Variants in RARS1 observed in about 807,000 individuals in gnomAD.
RARS1 encodes the protein arginine--tRNA ligase, cytoplasmic.
In RARS1, 75 loss-of-function variants were observed where a neutral mutation model predicts 78.7. The ratio of observed to expected loss-of-function variants is 0.95; its 90% CI spans 0.79 to 1.15. The LOEUF is 1.15. Among genes scored for constraint, RARS1 ranks in the 50% most tolerant of loss-of-function variants. The pLI is 0.00. For synonymous variants in RARS1, 273 were observed against 268.2 expected (o/e 1.02, Z -0.18); for missense variants, 787 against 787.5 (o/e 1.00, Z 0.01).
At chr5:168,501,685 T>C (rs929177228) in intron 8 of RARS1, among the ~76,000 whole-genome samples, 2 of 152,142 alleles carry the variant, frequency 1.3e-5, no homozygotes, top group Admixed American at 6.5e-5. Context: ...ATCACGCCAC[T>C]GTACTCCAGC....
At chr5:168,502,918 T>A (rs1698110246) in intron 9 of RARS1, among the ~76,000 whole-genome samples, 1 of 152,210 alleles carries the variant, frequency 6.6e-6, no homozygotes, top group Admixed American at 6.5e-5. Flanking sequence ...GTTCTATAAA[T>A]CTGAGGTTTC....
chr5:168,489,837 G>A (rs1227976307), intron 2 of RARS1, among the ~76,000 whole-genome samples: 3 of 137,378 alleles, frequency 2.2e-5, no homozygotes, highest in African/African-American at 8.2e-5. Flanking sequence ...TTTTTGAGAC[G>A]GAGTCTCACT....
Position 168,486,539 on chromosome 5 carries a change from A to C in RARS1, c.41A>C (p.Gln14Pro), listed in dbSNP as rs1582423641. ...TCTGAGTGCTCCGCGCGGCTGCTGCAGCAGGTTTGGACGCAGGAGACCGGC... is the reference window on the plus strand; with the variant it reads ...TCTGAGTGCTCCGCGCGGCTGCTGCCGCAGGTTTGGACGCAGGAGACCGGC... Reference protein sequence around the residue: ...LVSECSARLLQQEEEIKSLTA... With the variant: ...LVSECSARLLPQEEEIKSLTA... Residue 14 changes from glutamine to proline, a missense_variant, in exon 1 of 15, where the codon CAG becomes CCG. Transcript: ENST00000231572. 6.4e-7 allele frequency: 1 copy of C among 1,557,590 alleles called. No homozygotes were observed. The highest frequency in any genetic ancestry group is 8.7e-7 in the Non-Finnish European group (1 of 1,149,740).
At chr5:168,494,801 C>CACA in intron 5 of RARS1, 151 bp downstream of exon 5, 1 of 587,284 alleles carries the variant, frequency 1.7e-6, no homozygotes, top group Non-Finnish European at 3.0e-6. Context: ...GTGCTGTGAT[C>CACA]GCACCTGTGA....
chr5:168,487,246 T>C (rs1757984908), intron 1 of RARS1, among the ~76,000 whole-genome samples: 1 of 151,862 alleles, frequency 6.6e-6, no homozygotes, highest in Non-Finnish European at 1.5e-5. Context: ...GGTCCCTGTA[T>C]TCCTAGCTAC....
At chr5:168,502,567 A>G (rs1190455607) in intron 9 of RARS1, among the ~76,000 whole-genome samples, 1 of 132,030 alleles carries the variant, frequency 7.6e-6, no homozygotes, top group African/African-American at 2.7e-5. Context: ...TTGATTCATG[A>G]ATTTTTTTTT....
chr5:168,500,903 C>T (rs951215296), intron 8 of RARS1, among the ~76,000 whole-genome samples, 183 bp downstream of exon 8: 4 of 151,916 alleles, frequency 2.6e-5, no homozygotes, highest in Non-Finnish European at 5.9e-5. Context: ...CAGGCAGGTT[C>T]AAATCTTAAC....
intron 9 of RARS1, among the ~76,000 whole-genome samples, chr5:168,504,085 C>T (rs1336514912): frequency 3.5e-5 from 5 of 142,454 alleles, no homozygotes; most frequent in African/African-American, 5.2e-5. Flanking sequence ...AAAAGAATAA[C>T]GAGAGAGAGA....
rs368597679 is a variant in RARS1, at chr5:168,501,985, T to G, written c.953-16T>G. On this transcript the variant is annotated splice_polypyrimidine_tract_variant and intron_variant, in intron 8 of 14. Transcript: ENST00000231572. ...CTTATGCATTTTATTTGGTGGCATT[T>G]TATTTTCTTCCCTAGAGTTAAATAA... 58 of 1,580,478 alleles carry G rather than the reference T, an allele frequency of 3.7e-5. 2 individuals are homozygous for G. The South Asian group carries it at 5.5e-4, about 15-fold the overall frequency.
chr5:168,502,718 T>G (rs1269140423), intron 9 of RARS1, among the ~76,000 whole-genome samples: 1 of 151,628 alleles, frequency 6.6e-6, no homozygotes, highest in Admixed American at 6.6e-5. Context: ...ATTACACACA[T>G]GCACCACCAC....
At chr5:168,489,560 T>A (rs1758038786) in intron 2 of RARS1, among the ~76,000 whole-genome samples, 1 of 151,818 alleles carries the variant, frequency 6.6e-6, no homozygotes, top group Admixed American at 6.6e-5. Context: ...TATTTAATGG[T>A]CTCATGATTT....
chr5:168,516,816 C>T lies in RARS1; in HGVS notation c.1491C>T (p.Ser497=), dbSNP rs201348718. 2.6e-5 allele frequency: 42 copies of T among 1,614,126 alleles called. No homozygotes were observed. The South Asian group carries it at 3.1e-4, about 12-fold the overall frequency. ...AGGAATTGAATGCTGCTCAGACATC[C>T]GTTGCGTATGGCTGCATCAAATATG... ...TAEELNAAQT[S]VAYGCIKYAD... Residue 497 remains serine, a synonymous_variant, in exon 13 of 15, where the codon TCC becomes TCT. Transcript: ENST00000231572.
At chr5:168,515,514 A>G (rs1353446604) in intron 12 of RARS1, among the ~76,000 whole-genome samples, 4 of 152,222 alleles carry the variant, frequency 2.6e-5, no homozygotes, top group South Asian at 2.1e-4. Context: ...GGTGCTCGGC[A>G]TTATGAAGAG....
chr5:168,517,618 G>T (rs913691498), intron 13 of RARS1, among the ~76,000 whole-genome samples, 197 bp from the exon 14 acceptor site: 1 of 152,096 alleles, frequency 6.6e-6, no homozygotes, highest in Admixed American at 6.6e-5. Flanking sequence ...TCCCCTAAAA[G>T]AATTATATTT....
Position 168,495,390 on chromosome 5 carries a change from G to T in RARS1, c.655G>T (p.Glu219Ter). 6.2e-7 allele frequency: 1 copy of T among 1,614,036 alleles called. No homozygotes were observed. Among genetic ancestry groups the T allele is most frequent in the Non-Finnish European group, 8.5e-7 (1 of 1,179,960 alleles). Residue 219 changes from glutamate to a stop codon, truncating the protein, a stop_gained, in exon 6 of 15, where the codon GAG becomes TAG. Transcript: ENST00000231572. LOFTEE classifies it high-confidence loss of function. The part of the protein sequence containing the change: ...VGHLRSTIIG[E>*]SISRLFEFAG... ...CCACCTGAGGTCAACTATCATAGGA[G>T]AGAGTATAAGCCGCCTCTTTGAATT...
At chr5:168,497,173 AC>A in intron 6 of RARS1, 54 bp from the exon 7 acceptor site, 1 of 1,283,188 alleles carries the variant, frequency 7.8e-7, no homozygotes, top group Non-Finnish European at 1.0e-6. Context: ...CTCTAATTTA[AC>A]TTAACCATCT....
chr5:168,502,230 C>A, intron 9 of RARS1, 125 bp downstream of exon 9: 1 of 1,350,964 alleles, frequency 7.4e-7, no homozygotes, highest in Non-Finnish European at 9.7e-7. Context: ...GGGTACTGAC[C>A]AACCTTATTG....
chr5:168,506,155 G>A lies in RARS1; in HGVS notation c.1192G>A (p.Glu398Lys), dbSNP rs770916969. ...GGCTGCTATTAAACAAAGACTATTT[G>A]AGGAAAAAGCAGATATGATTATCTA... ...DLAAIKQRLF[E>K]EKADMIIYVV... is the part of the protein sequence containing the mutation. Residue 398 changes from glutamate (E) to lysine (K), a missense_variant, in exon 10 of 15, where the codon GAG (glutamate) becomes AAG (lysine). By Grantham distance (56) the Glu-to-Lys change is moderately conservative. Transcript: ENST00000231572. 6.9e-6 allele frequency: 11 copies of A among 1,584,472 alleles called. No homozygotes were observed. Among genetic ancestry groups the A allele is most frequent in the Non-Finnish European group, 8.6e-6 (10 of 1,166,248 alleles).
At chr5:168,492,265 A>G (rs188157116) in intron 2 of RARS1, among the ~76,000 whole-genome samples, 1 of 152,248 alleles carries the variant, frequency 6.6e-6, no homozygotes, top group East Asian at 1.9e-4. Context: ...CAACATTTTG[A>G]TGGACATCAT....
Sources: allele counts gnomAD v4.1 joint callset (sites outside exome capture counted in the v4.1 genomes callset), GRCh38; gene constraint gnomAD v4.1.1; transcripts MANE v1.5; gene names NCBI Gene and HGNC (gene_info 2026-07-23, HGNC 2026-07-21).